Variants in CDKL1 observed in about 807,000 individuals in gnomAD.
CDKL1 encodes cyclin dependent kinase like 1, also known as cyclin-dependent kinase-like 1.
A neutral mutation model predicts 42.0 loss-of-function variants in CDKL1; 41 were observed. That is an observed-to-expected ratio of 0.98 (90% CI 0.76 to 1.27). The LOEUF is 1.27. CDKL1 is among the 50% of genes most tolerant of loss of function. The pLI is 0.00. For missense variants in CDKL1, 394 were observed against 428.4 expected (o/e 0.92, Z 0.71); for synonymous variants, 153 against 158.6 (o/e 0.96, Z 0.26).
At chr14:50,377,181 C>A (rs147877021) in intron 2 of CDKL1, among the ~76,000 whole-genome samples, 340 of 152,316 alleles carry the variant, frequency 2.2e-3, no homozygotes, top group Admixed American at 4.7e-3. Flanking sequence ...CGCCTGTAGC[C>A]TGACAGAGCC....
intron 2 of CDKL1, among the ~76,000 whole-genome samples, chr14:50,394,600 A>C (rs2035346317): frequency 6.6e-6 from 1 of 152,214 alleles, no homozygotes; most frequent in Non-Finnish European, 1.5e-5. Flanking sequence ...GTCTCTCATC[A>C]AGTAGCTCTT....
Position 50,359,108 on chromosome 14 carries a change from G to A in CDKL1, c.210C>T (p.Phe70=). 1 of 1,612,924 alleles carries A rather than the reference G, an allele frequency of 6.2e-7. No individual in the cohort carries two copies. Among genetic ancestry groups the A allele is most frequent in the Middle Eastern group, 1.7e-4 (1 of 6,054 alleles). ...HPNLVNLLEV[F]RRKRRLHLVF... is the part of the protein sequence containing the mutation. ...CCAGGTGAAGCCTCCGTTTCCTCCT[G>A]AAGACTTCCAGGAGGTTAACAAGGT... is the stretch of plus-strand genomic sequence containing the variant. The change falls in exon 3 of 10, where the codon TTC becomes TTT. Residue 70 remains phenylalanine (F), a synonymous_variant. Coordinates refer to ENST00000395834, the MANE Select transcript of CDKL1 (RefSeq NM_004196.7).
chr14:50,336,123 C>T, intron 7 of CDKL1: 2 of 1,365,848 alleles, frequency 1.5e-6, no homozygotes, highest in Non-Finnish European at 2.0e-6. Context: ...ATGAGGCCAA[C>T]TGGTTGCCTG....
intron 5 of CDKL1, among the ~76,000 whole-genome samples, chr14:50,341,455 C>G (rs1213772425): frequency 2.2e-4 from 1 of 4,548 alleles, no homozygotes; most frequent in Admixed American, 2.7e-3. Context: ...TGGGGAGGGT[C>G]TGGGGGGGGG....
intron 2 of CDKL1, among the ~76,000 whole-genome samples, chr14:50,377,063 C>T (rs545841483): frequency 4.2e-4 from 64 of 152,202 alleles, no homozygotes; most frequent in Non-Finnish European, 8.4e-4. Context: ...GTTTCTAGAA[C>T]AGCAAGGAGG....
At chr14:50,391,596 T>C (rs2035258784) in intron 2 of CDKL1, among the ~76,000 whole-genome samples, 1 of 152,128 alleles carries the variant, frequency 6.6e-6, no homozygotes, top group African/African-American at 2.4e-5. Context: ...TTGGCCATGT[T>C]GGCCTCAAGC....
At chr14:50,344,953 T>C (rs938981036) in intron 4 of CDKL1, 33 bp downstream of exon 4, 43 of 1,567,830 alleles carry the variant, frequency 2.7e-5, no homozygotes, top group Non-Finnish European at 3.3e-5. Context: ...AAGGGGAGCC[T>C]TGTTGCTTTT....
At chr14:50,376,780 C>G (rs1202461362) in intron 2 of CDKL1, among the ~76,000 whole-genome samples, 1 of 152,076 alleles carries the variant, frequency 6.6e-6, no homozygotes, top group Non-Finnish European at 1.5e-5. Flanking sequence ...ACTGTAAGAT[C>G]TGGGATTATA....
At chr14:50,385,688 C>T (rs919680602) in intron 2 of CDKL1, among the ~76,000 whole-genome samples, 6 of 151,582 alleles carry the variant, frequency 4.0e-5, no homozygotes, top group Non-Finnish European at 7.4e-5. Context: ...CCTGTAATCC[C>T]AGCTACTCGG....
At chr14:50,359,507 T>C (rs1303497639) in intron 2 of CDKL1, among the ~76,000 whole-genome samples, 2 of 152,144 alleles carry the variant, frequency 1.3e-5, no homozygotes, top group African/African-American at 2.4e-5. Context: ...GTGCCTTGTA[T>C]GTCTAAAAGG....
intron 2 of CDKL1, among the ~76,000 whole-genome samples, chr14:50,387,157 TC>T (rs2035107450): frequency 7.6e-6 from 1 of 132,110 alleles, no homozygotes; most frequent in Non-Finnish European, 1.5e-5. Flanking sequence ...CGGTGAGCCA[TC>T]ATTGCCCCAC....
At chr14:50,361,019 T>C (rs1293153440) in intron 2 of CDKL1, among the ~76,000 whole-genome samples, 1 of 152,234 alleles carries the variant, frequency 6.6e-6, no homozygotes, top group Non-Finnish European at 1.5e-5. Context: ...TGTACAAATA[T>C]GTTTTTGAGA....
chr14:50,371,904 G>A (rs1230554673), intron 2 of CDKL1, among the ~76,000 whole-genome samples: 1 of 152,212 alleles, frequency 6.6e-6, no homozygotes, highest in Non-Finnish European at 1.5e-5. Flanking sequence ...TTATGGCCAA[G>A]CCCAGGGACT....
chr14:50,363,696 T>C (rs1348018329), intron 2 of CDKL1: 1 of 152,222 alleles, frequency 6.6e-6, no homozygotes, highest in East Asian at 1.9e-4. Flanking sequence ...TAGAAATGCA[T>C]CAATTCTACC....
intron 3 of CDKL1, among the ~76,000 whole-genome samples, chr14:50,358,607 T>C (rs545138854): frequency 6.7e-6 from 1 of 150,288 alleles, no homozygotes; most frequent in Admixed American, 6.6e-5. Context: ...CAGAGTATGT[T>C]GTACAAACAC....
chr14:50,349,545 C>A (rs1273768099), intron 3 of CDKL1, among the ~76,000 whole-genome samples: 2 of 152,222 alleles, frequency 1.3e-5, no homozygotes, highest in Admixed American at 6.5e-5. Context: ...CAAAAGCAAC[C>A]CATCCTGACA....
At chr14:50,343,154 A>AATTTT in intron 4 of CDKL1, 82 of 265,168 alleles carry the variant, frequency 3.1e-4, no homozygotes, top group Non-Finnish European at 4.5e-4. Flanking sequence ...ATTAAGAGTT[A>AATTTT]CTTTTTTTTT....
intron 2 of CDKL1, among the ~76,000 whole-genome samples, chr14:50,389,097 CAAAAAAAAAAAAAAA>C (rs57448948): frequency 1.7e-4 from 15 of 90,474 alleles, no homozygotes; most frequent in African/African-American, 4.4e-4. Context: ...AGACTGTCTT[CAAAAAAAAAAAAAAA>C]AAAAAAAAAA....
rs954717389 is a variant in CDKL1, at chr14:50,345,072, A to G, written c.291-14T>C. On this transcript the variant is annotated splice_polypyrimidine_tract_variant and intron_variant, in intron 3 of 9. Transcript: ENST00000395834. ...TGTTCTGGTACCCTAATAAAAATAA[A>G]GCAGCACAAACACATTCTTTAGTGT... 6.2e-7 allele frequency: 1 copy of G among 1,612,308 alleles called. No homozygotes were observed. The highest frequency in any genetic ancestry group is 8.5e-7 in the Non-Finnish European group (1 of 1,178,882).
Sources: gnomAD v4.1 joint callset for allele counts (sites outside exome capture counted in the v4.1 genomes callset) on GRCh38, gnomAD v4.1.1 for gene constraint, MANE v1.5 for transcripts, NCBI Gene and HGNC (gene_info 2026-07-23, HGNC 2026-07-21) for gene names.